The following CDC42BPA variants were observed in gnomAD, a reference collection of about 807,000 sequenced individuals.
The protein encoded by CDC42BPA is CDC42 binding protein kinase alpha, also known as serine/threonine-protein kinase MRCK alpha.
In CDC42BPA, 80 loss-of-function variants were observed where a neutral mutation model predicts 223.5. That is an observed-to-expected ratio of 0.36 (90% CI 0.30 to 0.43). CDC42BPA has a LOEUF of 0.43. Ranked by LOEUF, CDC42BPA falls within the 20% of genes least tolerant of loss-of-function variation. The probability of loss-of-function intolerance (pLI) is 1.00; values close to 1 mark genes in which losing one functional copy is unlikely to be tolerated. For synonymous variants in CDC42BPA, 694 were observed against 718.6 expected, an observed-to-expected ratio of 0.97 and a Z score of 0.55; for missense variants, 1,743 against 2,099.9, an observed-to-expected ratio of 0.83 and a Z score of 3.32.
intron 5 of CDC42BPA, among the ~76,000 whole-genome samples, chr1:227,165,237 G>A (rs1664821708): frequency 6.6e-6 from 1 of 152,112 alleles, no homozygotes; most frequent in African/African-American, 2.4e-5. Flanking sequence ...ACTCACAAGT[G>A]AATGTAAGAA....
chr1:227,191,235 C>T (rs1669648509), intron 5 of CDC42BPA, among the ~76,000 whole-genome samples: 1 of 151,940 alleles, frequency 6.6e-6, no homozygotes, highest in Admixed American at 6.6e-5. Context: ...ATCCCAGCTA[C>T]TCAGGAGGCT....
At chr1:227,025,030 G>A (rs1572326898) in intron 31 of CDC42BPA, among the ~76,000 whole-genome samples, 2 of 152,154 alleles carry the variant, frequency 1.3e-5, no homozygotes, top group East Asian at 3.9e-4. Context: ...ATCACTTGAG[G>A]TAAGAAGTTC....
At chr1:227,012,120 A>G (rs995541085) in intron 34 of CDC42BPA, among the ~76,000 whole-genome samples, 1 of 152,214 alleles carries the variant, frequency 6.6e-6, no homozygotes, top group African/African-American at 2.4e-5. Context: ...GACTTTAAGA[A>G]GCAAAATTAC....
intron 15 of CDC42BPA, among the ~76,000 whole-genome samples, chr1:227,093,590 T>C (rs1312609191): frequency 6.6e-6 from 1 of 152,158 alleles, no homozygotes; most frequent in Non-Finnish European, 1.5e-5. Flanking sequence ...CCATAACTCA[T>C]ACCCTATAGT....
intron 1 of CDC42BPA, among the ~76,000 whole-genome samples, chr1:227,263,222 ACT>A (rs1324320894): frequency 6.6e-6 from 1 of 152,218 alleles, no homozygotes. Flanking sequence ...ACAGAGCAAG[ACT>A]CTGTCTCAAA....
At chr1:227,186,477 T>G (rs1668789801) in intron 5 of CDC42BPA, among the ~76,000 whole-genome samples, 1 of 152,102 alleles carries the variant, frequency 6.6e-6, no homozygotes, top group Non-Finnish European at 1.5e-5. Context: ...GTCTGGCACC[T>G]TCTAGCCATC....
intron 6 of CDC42BPA, among the ~76,000 whole-genome samples, chr1:227,160,264 GAAGTCACCAACT>G (rs1663632908): frequency 6.6e-6 from 1 of 152,166 alleles, no homozygotes; most frequent in South Asian, 2.1e-4. Context: ...AAGTACAACA[GAAGTCACCAACT>G]AAAGAAGGAG....
At chr1:227,303,504 A>G (rs569081915) in intron 1 of CDC42BPA, among the ~76,000 whole-genome samples, 1 of 152,304 alleles carries the variant, frequency 6.6e-6, no homozygotes, top group East Asian at 1.9e-4. Context: ...GGATAAAGTA[A>G]CCCAATGGCA....
intron 5 of CDC42BPA, among the ~76,000 whole-genome samples, chr1:227,171,140 A>C (rs905862687): frequency 6.6e-6 from 1 of 152,220 alleles, no homozygotes; most frequent in African/African-American, 2.4e-5. Flanking sequence ...AAATGTTTGG[A>C]AGAGATAAAA....
At chr1:227,135,078 T>G (rs1658213208) in intron 10 of CDC42BPA, among the ~76,000 whole-genome samples, 1 of 152,248 alleles carries the variant, frequency 6.6e-6, no homozygotes, top group African/African-American at 2.4e-5. Context: ...AACTGCTTCT[T>G]ACCTGGAAGC....
At chr1:227,226,485 A>C (rs1676887076) in intron 2 of CDC42BPA, among the ~76,000 whole-genome samples, 2 of 152,198 alleles carry the variant, frequency 1.3e-5, no homozygotes, top group Admixed American at 6.5e-5. Context: ...GAAAGTATCA[A>C]AACTTCCAGG....
At chr1:227,205,283 A>AAAATATAT (rs1376021292) in intron 3 of CDC42BPA, among the ~76,000 whole-genome samples, 1 of 122,778 alleles carries the variant, frequency 8.1e-6, no homozygotes, top group African/African-American at 3.2e-5. Flanking sequence ...AAAAAAAAAA[A>AAAATATAT]ATATATATAT....
intron 2 of CDC42BPA, among the ~76,000 whole-genome samples, chr1:227,236,982 A>G (rs938160856): frequency 6.8e-6 from 1 of 146,554 alleles, no homozygotes; most frequent in Non-Finnish European, 1.5e-5. Flanking sequence ...GGTCGAGGCT[A>G]CAGTGAGCTG....
intron 5 of CDC42BPA, among the ~76,000 whole-genome samples, chr1:227,182,489 T>C (rs1381084840): frequency 6.6e-6 from 1 of 152,176 alleles, no homozygotes; most frequent in East Asian, 1.9e-4. Context: ...TTTGAAATAA[T>C]AGGCTCACAG....
chr1:227,269,153 G>A (rs1023679393), intron 1 of CDC42BPA, among the ~76,000 whole-genome samples: 15 of 152,192 alleles, frequency 9.9e-5, no homozygotes, highest in African/African-American at 3.4e-4. Context: ...AACAAAAACA[G>A]TATGTAAACA....
At chr1:227,073,794 G>GT (rs1348889351) in intron 19 of CDC42BPA, 70 bp downstream of exon 19, 29 of 1,251,368 alleles carry the variant, frequency 2.3e-5, no homozygotes, top group Non-Finnish European at 1.1e-6. Context: ...AACTAAACAT[G>GT]TAACTTCTCT....
At chr1:227,102,105 A>T (rs938017190) in intron 14 of CDC42BPA, among the ~76,000 whole-genome samples, 1 of 152,186 alleles carries the variant, frequency 6.6e-6, no homozygotes, top group Non-Finnish European at 1.5e-5. Flanking sequence ...CAAAGAATCA[A>T]GATCTGGAGG....
At chr1:227,130,531 G>A (rs1239908767) in intron 10 of CDC42BPA, among the ~76,000 whole-genome samples, 1 of 151,998 alleles carries the variant, frequency 6.6e-6, no homozygotes, top group Non-Finnish European at 1.5e-5. Flanking sequence ...CTAAATTGGG[G>A]GTAGAAAATG....
chr1:227,297,579 C>T (rs1003289246), intron 1 of CDC42BPA, among the ~76,000 whole-genome samples: 6 of 152,060 alleles, frequency 3.9e-5, no homozygotes, highest in African/African-American at 1.2e-4. Context: ...TGTGGTATAG[C>T]CATACAATGG....
Sources: gnomAD v4.1 joint callset for allele counts (sites outside exome capture counted in the v4.1 genomes callset) on GRCh38, gnomAD v4.1.1 for gene constraint, MANE v1.5 for transcripts, NCBI Gene and HGNC (gene_info 2026-07-23, HGNC 2026-07-21) for gene names.